The following CELF4 variants were observed in gnomAD, a reference collection of about 807,000 sequenced individuals.
CELF4 encodes CUGBP Elav-like family member 4, also known as CUG-BP- and ETR-3-like factor 4.
Under a neutral mutation model 59.9 loss-of-function variants are expected in CELF4, and 18 were observed. The ratio of observed to expected loss-of-function variants is 0.30; its 90% CI spans 0.21 to 0.45. The LOEUF (loss-of-function observed/expected upper bound fraction) is 0.45, where lower values mean the gene tolerates loss of function less well. CELF4 is among the 20% of genes least tolerant of loss of function. CELF4 has a pLI of 1.00. For missense variants in CELF4, 456 were observed against 689.0 expected (o/e 0.66, Z 3.79); for synonymous variants, 261 against 267.1 (o/e 0.98, Z 0.22).
chr18:37,360,816 C>T (rs992435427), intron 2 of CELF4, among the ~76,000 whole-genome samples: 20 of 152,208 alleles, frequency 1.3e-4, no homozygotes, highest in African/African-American at 2.4e-5. Flanking sequence ...CCAGACACGC[C>T]CATTACTGAA....
At chr18:37,543,810 A>C (rs891785417) in intron 1 of CELF4, among the ~76,000 whole-genome samples, 1 of 152,210 alleles carries the variant, frequency 6.6e-6, no homozygotes, top group Non-Finnish European at 1.5e-5. Flanking sequence ...CTGGGGACCA[A>C]TTGATGGCCC....
chr18:37,285,998 G>A (rs1037634734), intron 3 of CELF4, among the ~76,000 whole-genome samples: 1 of 152,056 alleles, frequency 6.6e-6, no homozygotes, highest in African/African-American at 2.4e-5. Flanking sequence ...AACATAATGG[G>A]GCTTTTTTTT....
chr18:37,298,351 C>T (rs941725282), intron 3 of CELF4, among the ~76,000 whole-genome samples: 16 of 152,244 alleles, frequency 1.1e-4, no homozygotes, highest in Admixed American at 2.0e-4. Flanking sequence ...TGTGTCCACA[C>T]AGCAGTCAGA....
chr18:37,369,963 C>T lies in CELF4; in HGVS notation c.370-48082G>A, dbSNP rs182367782. On this transcript the variant is annotated intron_variant, in intron 2 of 12. Transcript: ENST00000420428. ...CTGTGCAAACTGCAGAAAGCCGAAA[C>T]GCCCCTCTTCACCTCTGCTGAGCTG... Among the ~76,000 whole-genome samples, 25 of 152,346 alleles carry T rather than the reference C, an allele frequency of 1.6e-4. 1 individual carries two copies. The highest frequency in any genetic ancestry group is 9.8e-4 in the Admixed American group (15 of 15,308).
chr18:37,363,864 C>T (rs560913085), intron 2 of CELF4, among the ~76,000 whole-genome samples: 4 of 152,286 alleles, frequency 2.6e-5, no homozygotes, highest in Admixed American at 1.3e-4. Flanking sequence ...ATGCTCAGGA[C>T]CCTGGGTACT....
intron 2 of CELF4, among the ~76,000 whole-genome samples, chr18:37,406,945 G>A (rs374503360): frequency 3.9e-5 from 6 of 152,292 alleles, no homozygotes; most frequent in South Asian, 2.1e-4. Context: ...AAAATGGAAC[G>A]TCTGGGAGAG....
At chr18:37,363,754 T>A (rs1443595433) in intron 2 of CELF4, among the ~76,000 whole-genome samples, 2 of 152,210 alleles carry the variant, frequency 1.3e-5, no homozygotes, top group Non-Finnish European at 2.9e-5. Context: ...GTGGGCTGAA[T>A]CTTTGTGCAC....
At chr18:37,522,009 G>A (rs1424289056) in intron 1 of CELF4, among the ~76,000 whole-genome samples, 1 of 152,210 alleles carries the variant, frequency 6.6e-6, no homozygotes, top group East Asian at 1.9e-4. Flanking sequence ...TTTAAGAGTG[G>A]AGAATGCCTG....
chr18:37,379,507 C>CAAAAAAAAAAAAAAAAAAAAAA lies in CELF4; in HGVS notation c.370-57648_370-57627dup, dbSNP rs56250210. Among the ~76,000 whole-genome samples the CAAAAAAAAAAAAAAAAAAAAAA allele has an allele frequency of 6.6e-5, 3 of 45,708 alleles. 1 individual carries two copies. Among genetic ancestry groups the CAAAAAAAAAAAAAAAAAAAAAA allele is most frequent in the Non-Finnish European group, 1.1e-4 (3 of 27,968 alleles). The allele number at this position is 45,708 out of a possible 152,430, so 30.0% of individuals were successfully genotyped here. ...GGCATCACAAATAAGAGGCCATAAG[C>CAAAAAAAAAAAAAAAAAAAAAA]AAAAAAAAAAAAAAAAAAAAAAAAA... On this transcript the variant is annotated intron_variant, in intron 2 of 12. Coordinates refer to ENST00000420428, the MANE Select transcript of CELF4 (RefSeq NM_020180.4).
At chr18:37,251,685 T>A (rs992817644) in intron 12 of CELF4, among the ~76,000 whole-genome samples, 2 of 152,180 alleles carry the variant, frequency 1.3e-5, no homozygotes, top group African/African-American at 4.8e-5. Flanking sequence ...GTGTCCTATA[T>A]ACAGAAAAAG....
chr18:37,390,802 C>CGGA (rs139992661), intron 2 of CELF4, among the ~76,000 whole-genome samples: 26,492 of 55,746 alleles, frequency 0.48, 3,459 homozygotes, highest in Non-Finnish European at 0.51. Flanking sequence ...GGTGATGGGG[C>CGGA]GGGGAGGGGG....
chr18:37,354,659 C>T (rs1433649258), intron 2 of CELF4, among the ~76,000 whole-genome samples: 1 of 152,198 alleles, frequency 6.6e-6, no homozygotes, highest in East Asian at 1.9e-4. Flanking sequence ...CCCCTGACTC[C>T]TTACACTGTG....
chr18:37,468,765 C>T (rs2099814569), intron 2 of CELF4, among the ~76,000 whole-genome samples: 2 of 152,036 alleles, frequency 1.3e-5, no homozygotes, highest in Admixed American at 1.3e-4. Flanking sequence ...TACATGGCAG[C>T]AGGGGAGAGA....
At chr18:37,276,933 A>G (rs886838001) in intron 3 of CELF4, among the ~76,000 whole-genome samples, 3 of 152,336 alleles carry the variant, frequency 2.0e-5, no homozygotes, top group Admixed American at 6.5e-5. Flanking sequence ...CTCTGAGCAC[A>G]TGGGCACTCA....
intron 1 of CELF4, among the ~76,000 whole-genome samples, chr18:37,533,011 C>T (rs2099970759): frequency 6.6e-6 from 1 of 152,200 alleles, no homozygotes; most frequent in African/African-American, 2.4e-5. Context: ...CTAAATTTCC[C>T]AGAATTATCT....
At chr18:37,321,746 A>G (rs2097129337) in intron 3 of CELF4, 57 bp downstream of exon 3, 3 of 1,268,752 alleles carry the variant, frequency 2.4e-6, no homozygotes, top group Non-Finnish European at 1.1e-6. Context: ...CTGCGTCGGG[A>G]AAAGGAGGGA....
chr18:37,550,545 G>GAACACC (rs2099982866), intron 1 of CELF4, among the ~76,000 whole-genome samples: 1 of 152,218 alleles, frequency 6.6e-6, no homozygotes, highest in Non-Finnish European at 1.5e-5. Context: ...TTCCAGATAT[G>GAACACC]ACGTTGGTTT....
intron 2 of CELF4, among the ~76,000 whole-genome samples, chr18:37,388,900 T>C (rs1393804448): frequency 6.6e-6 from 1 of 152,098 alleles, no homozygotes; most frequent in African/African-American, 2.4e-5. Flanking sequence ...GGCCATGTCA[T>C]CCATCGGTTA....
intron 1 of CELF4, among the ~76,000 whole-genome samples, chr18:37,498,578 A>G (rs1161617351): frequency 6.6e-6 from 1 of 150,544 alleles, no homozygotes; most frequent in Non-Finnish European, 1.5e-5. Context: ...ACTAGCACCT[A>G]TATTATCTCT....
Sources: allele counts gnomAD v4.1 joint callset (sites outside exome capture counted in the v4.1 genomes callset), GRCh38; gene constraint gnomAD v4.1.1; transcripts MANE v1.5; gene names NCBI Gene and HGNC (gene_info 2026-07-23, HGNC 2026-07-21).